ACOT11: variants seen among roughly 807,000 people sequenced by gnomAD.
The protein encoded by ACOT11 is acyl-coenzyme A thioesterase 11.
ACOT11 carries 69 observed loss-of-function variants against 77.5 expected under a neutral mutation model. The observed-to-expected ratio is 0.89, with a 90% CI of 0.73 to 1.09. The LOEUF (loss-of-function observed/expected upper bound fraction) is 1.09. Ranked by LOEUF, ACOT11 falls within the 50% of genes least tolerant of loss-of-function variation. The pLI, the probability that ACOT11 is intolerant of heterozygous loss-of-function variation, is 0.00. For synonymous variants in ACOT11, 279 were observed against 313.0 expected, an observed-to-expected ratio of 0.89 and a Z score of 1.15; for missense variants, 766 against 813.7, an observed-to-expected ratio of 0.94 and a Z score of 0.71.
intron 15 of ACOT11, chr1:54,621,598 T>G (rs893229575): frequency 6.6e-6 from 1 of 152,326 alleles, no homozygotes; most frequent in East Asian, 1.9e-4. Flanking sequence ...CTTGGAAAGA[T>G]CTGGGCTGCA....
In ACOT11 at chr1:54,607,989, G is replaced by A. The variant is rs748511381; in HGVS notation, c.1550G>A (p.Arg517Gln). Reference sequence around the variant, plus strand: ...AGGTCGGTCACGCTGCCCACACACCGAGAGACGCCAGAGTACAGACGCGGA... The same window carrying A: ...AGGTCGGTCACGCTGCCCACACACCAAGAGACGCCAGAGTACAGACGCGGA... ...ALRSVTLPTH[R>Q]ETPEYRRGET... is the part of the protein sequence containing the mutation. Residue 517 changes from arginine (R) to glutamine (Q), a missense_variant, in exon 15 of 16, where the codon CGA becomes CAA. Transcript: ENST00000343744. The surrounding 1 kb of genome is among the most constrained non-coding windows in gnomAD (Gnocchi z 4.5). The A allele has an allele frequency of 2.5e-6, 4 of 1,613,672 alleles. No individual in the cohort carries two copies. Among genetic ancestry groups the A allele is most frequent in the Admixed American group, 1.7e-5 (1 of 59,988 alleles).
At chr1:54,605,909 C>T (rs150641237) in intron 13 of ACOT11, among the ~76,000 whole-genome samples, 10 of 152,148 alleles carry the variant, frequency 6.6e-5, no homozygotes, top group Admixed American at 3.9e-4. Context: ...CACCGGGGCT[C>T]GAGGGGGTTC....
In ACOT11 at chr1:54,609,302, T is replaced by TGGTAGCCCTGG; in HGVS notation, c.*198_*208dup. On this transcript the variant is annotated 3_prime_UTR_variant, in exon 16 of 16. Transcript: ENST00000343744. ...ACCAACATGAGCCAGCAAGTCCTTG[T>TGGTAGCCCTGG]GGTAGCCCTGGGGTAGCCTGTAGTA... 2 of 1,610,316 alleles carry TGGTAGCCCTGG rather than the reference T, an allele frequency of 1.2e-6. No homozygotes were observed. The highest frequency in any genetic ancestry group is 1.7e-6 in the Non-Finnish European group (2 of 1,177,168).
Position 54,594,603 on chromosome 1 carries a change from GCA to G in ACOT11, c.522_523del (p.His174GlnfsTer5). ...CGCGGACAGAAGAGGAGAAGATGGAGCACAGTGTGGCGGCTGAGCGCCGGCGC... is the reference window on the plus strand; with the variant it reads ...CGCGGACAGAAGAGGAGAAGATGGAGCAGTGTGGCGGCTGAGCGCCGGCGC... ...TPRTEEEKME[H>X]SVAAERRRMR... is the part of the protein sequence containing the mutation. On this transcript the variant is annotated frameshift_variant, in exon 6 of 16. Transcript: ENST00000343744. LOFTEE classifies it high-confidence loss of function. The G allele has an allele frequency of 6.2e-7, 1 of 1,614,190 alleles. No homozygotes were observed. Among genetic ancestry groups the G allele is most frequent in the Admixed American group, 1.7e-5 (1 of 60,034 alleles).
Position 54,608,962 on chromosome 1 carries a change from C to T in ACOT11, c.1635C>T (p.Ser545=), listed in dbSNP as rs773318446. 6 of 1,613,944 alleles carry T rather than the reference C, an allele frequency of 3.7e-6. No individual in the cohort carries two copies. The Admixed American group carries it at 8.3e-5, about 22-fold the overall frequency. ...WREGDQLTKV[S]YYNQATPGVL... ...CTTGGCTTCCCACCCTGCAGGTATC[C>T]TACTACAACCAGGCCACCCCAGGTG... Residue 545 remains serine, a synonymous_variant, in exon 16 of 16, where the codon TCC becomes TCT. Coordinates refer to ENST00000343744, the MANE Select transcript of ACOT11 (RefSeq NM_147161.4).
chr1:54,550,112 T>C (rs2100931588), intron 1 of ACOT11, among the ~76,000 whole-genome samples: 1 of 152,314 alleles, frequency 6.6e-6, no homozygotes, highest in South Asian at 2.1e-4. Context: ...AAGATCACAC[T>C]GGTAGGAAGT....
intron 10 of ACOT11, 136 bp from the exon 11 acceptor site, chr1:54,603,735 G>C: frequency 1.3e-6 from 1 of 797,640 alleles, no homozygotes; most frequent in Non-Finnish European, 2.1e-6. Context: ...TGACCATCCA[G>C]CCTCCCTACC....
At chr1:54,604,987 G>T in intron 12 of ACOT11, 89 bp from the exon 13 acceptor site, 1 of 1,416,058 alleles carries the variant, frequency 7.1e-7, no homozygotes. Flanking sequence ...CAAGTCAGCT[G>T]TAGCCCTGAG....
chr1:54,594,111 G>T, intron 5 of ACOT11, 72 bp downstream of exon 5: 4 of 1,417,812 alleles, frequency 2.8e-6, no homozygotes, highest in Non-Finnish European at 3.9e-6. Flanking sequence ...GTCTGGCTCA[G>T]GGGAATGAGG....
intron 1 of ACOT11, among the ~76,000 whole-genome samples, chr1:54,562,277 C>CT: frequency 8.4e-6 from 1 of 119,170 alleles, no homozygotes. Flanking sequence ...GCTGACCCCC[C>CT]ACCTCCCTCC....
At chr1:54,610,389 C>G (rs896766124), downstream of ACOT11, 4 of 1,608,614 alleles carry the variant, frequency 2.5e-6, no homozygotes, top group South Asian at 3.3e-5. Flanking sequence ...CTGGGAGCAC[C>G]GGGGCTGAAG....
chr1:54,574,125 C>T (rs918534038), intron 1 of ACOT11, among the ~76,000 whole-genome samples: 4 of 152,216 alleles, frequency 2.6e-5, no homozygotes, highest in African/African-American at 7.2e-5. Flanking sequence ...CTGCCGCCCA[C>T]CACTTTCGGT....
Position 54,630,997 on chromosome 1 carries a change from T to C in ACOT11, c.1782+111T>C. On this transcript the variant is annotated intron_variant, in intron 16 of 16. Coordinates refer to the ACOT11 transcript ENST00000371316. ...CACTGATAACGAGGAGGAACAACAG[T>C]ATAGCGAAGTAACAGAAGAGGTTAC... 1.4e-5 allele frequency: 7 copies of C among 495,402 alleles called. No individual in the cohort carries two copies. In the South Asian group the frequency reaches 1.5e-4, roughly 11 times the overall value. 30.7% of individuals were successfully genotyped at this position (495,402 alleles called of 1,614,324 possible).
intron 1 of ACOT11, among the ~76,000 whole-genome samples, chr1:54,564,090 G>C (rs1419510229): frequency 1.3e-5 from 2 of 149,940 alleles, no homozygotes; most frequent in African/African-American, 4.9e-5. Context: ...AAATTAGCCA[G>C]GTGTGGTGGT....
At chr1:54,574,773 TTC>T (rs1654046173) in intron 1 of ACOT11, among the ~76,000 whole-genome samples, 1 of 152,124 alleles carries the variant, frequency 6.6e-6, no homozygotes, top group Non-Finnish European at 1.5e-5. Context: ...CTTTCCACAT[TTC>T]TGTTTCCCAA....
chr1:54,602,714 CG>C lies in ACOT11; in HGVS notation c.1076del (p.Arg359ProfsTer29), dbSNP rs1643979032. ...AGAGGCCAGTGCCAGAAAGAAGATCCGCCTGGACAGGTGAGTAGGGGCTGAG... is the reference window on the plus strand; with the variant it reads ...AGAGGCCAGTGCCAGAAAGAAGATCCCCTGGACAGGTGAGTAGGGGCTGAG... ...YREASARKKI[R>X]LDRKYIVSCK... is the part of the protein sequence containing the mutation. On this transcript the variant is annotated frameshift_variant, in exon 10 of 16. Coordinates refer to ENST00000343744, the MANE Select transcript of ACOT11 (RefSeq NM_147161.4). LOFTEE classifies it high-confidence loss of function. 1 of 1,552,552 alleles carries C rather than the reference CG, an allele frequency of 6.4e-7. No homozygotes were observed. The highest frequency in any genetic ancestry group is 8.7e-7 in the Non-Finnish European group (1 of 1,150,310).
rs1270387413 is a variant in ACOT11 at position 54,561,691 on chromosome 1, G to A, written c.33+13349G>A. Reference sequence around the variant, plus strand: ...CCAGTAGGGGCGGCCGGGCAGAGGCGCCCCTCACCTCCCGGACGGGGCGGC... The same window carrying A: ...CCAGTAGGGGCGGCCGGGCAGAGGCACCCCTCACCTCCCGGACGGGGCGGC... On this transcript the variant is annotated intron_variant, in intron 1 of 15. Transcript: ENST00000343744. Among the ~76,000 whole-genome samples the A allele has an allele frequency of 1.4e-4, 18 of 130,864 alleles. No individual in the cohort carries two copies. The East Asian group carries it at 3.7e-3, about 27-fold the overall frequency. The allele number at this position is 130,864 out of a possible 152,430, so 85.9% of individuals were successfully genotyped here. A position where few individuals can be genotyped will look rare whatever the true frequency, so the allele number is the denominator to read the frequency against.
exon 17 of ACOT11, chr1:54,637,873 G>A (rs114910837): frequency 7.8e-4 from 118 of 151,942 alleles, no homozygotes; most frequent in African/African-American, 2.6e-3. Context: ...AAAACTTTTC[G>A]AATTTTCTGA....
chr1:54,607,238 C>T lies in ACOT11; in HGVS notation c.1475C>T (p.Ala492Val), dbSNP rs149360605. 1,309 of 1,614,168 alleles carry T rather than the reference C, an allele frequency of 8.1e-4. 1 individual carries two copies. The highest frequency in any genetic ancestry group is 9.9e-4 in the Non-Finnish European group (1,173 of 1,180,026). Residue 492 changes from alanine (A) to valine (V), a missense_variant, in exon 14 of 16, where the codon GCC (alanine) becomes GTC (valine). Coordinates refer to ENST00000343744, the MANE Select transcript of ACOT11 (RefSeq NM_147161.4). This position sits in a 1 kb window ranked among gnomAD's most constrained non-coding sequence, Gnocchi z 4.5. Reference sequence around the variant, plus strand: ...AAGCCCCAGGACTTCGTGATCCTGGCCTCGAGGCGGAAGCCTTGTGACAAT... The same window carrying T: ...AAGCCCCAGGACTTCGTGATCCTGGTCTCGAGGCGGAAGCCTTGTGACAAT... Reference protein sequence around the residue: ...HTKPQDFVILASRRKPCDNGD... With the variant: ...HTKPQDFVILVSRRKPCDNGD...
Sources: gnomAD v4.1 joint callset for allele counts (sites outside exome capture counted in the v4.1 genomes callset) on GRCh38, gnomAD v4.1.1 for gene constraint, Gnocchi (gnomAD v3.1) non-coding constraint, MANE v1.5 for transcripts, NCBI Gene and HGNC (gene_info 2026-07-23, HGNC 2026-07-21) for gene names.